RELN: variants seen among roughly 807,000 people sequenced by gnomAD.
RELN encodes reelin.
Under a neutral mutation model 427.6 loss-of-function variants are expected in RELN, and 108 were observed. The observed-to-expected ratio is 0.25, with a 90% CI of 0.22 to 0.30. The LOEUF (loss-of-function observed/expected upper bound fraction) is 0.30. RELN is among the 10% of genes least tolerant of loss of function. The pLI, the probability that RELN is intolerant of heterozygous loss-of-function variation, is 1.00. For synonymous variants in RELN, 1,524 were observed against 1,513.4 expected (o/e 1.01, Z -0.16); for missense variants, 3,715 against 4,302.8 (o/e 0.86, Z 3.82).
In RELN at chr7:103,603,509, G is replaced by A. The variant is rs749025430; in HGVS notation, c.3147-19C>T. 4 of 1,607,862 alleles carry A rather than the reference G, an allele frequency of 2.5e-6. No individual in the cohort carries two copies. The Admixed American group carries it at 6.7e-5, about 27-fold the overall frequency. ...GTCACACCTATGAGAGAGCAGGGCT[G>A]AGTAGGCAGGTTACAGGCCCACCTG... is the stretch of plus-strand genomic sequence containing the variant. On this transcript the variant is annotated intron_variant, in intron 23 of 64. Coordinates refer to ENST00000428762, the MANE Select transcript of RELN (RefSeq NM_005045.4). This position sits in a 1 kb window ranked among gnomAD's most constrained non-coding sequence, Gnocchi z 4.3.
intron 22 of RELN, among the ~76,000 whole-genome samples, chr7:103,609,073 A>T (rs1831884340): frequency 6.6e-6 from 1 of 152,040 alleles, no homozygotes; most frequent in South Asian, 2.1e-4. Flanking sequence ...AAATACAAAA[A>T]TTAGCTGGGT....
intron 16 of RELN, among the ~76,000 whole-genome samples, chr7:103,647,025 C>CGAG (rs1461566711): frequency 6.6e-6 from 1 of 151,860 alleles, no homozygotes; most frequent in Non-Finnish European, 1.5e-5. Flanking sequence ...ACAATAAAAA[C>CGAG]CCTCAACAAA....
At chr7:103,965,816 T>C (rs1796649120) in intron 1 of RELN, among the ~76,000 whole-genome samples, 1 of 152,226 alleles carries the variant, frequency 6.6e-6, no homozygotes, top group African/African-American at 2.4e-5. Context: ...TTTTATTTTA[T>C]ACCCCAAAAT....
intron 3 of RELN, among the ~76,000 whole-genome samples, chr7:103,782,998 C>T (rs1455694789): frequency 6.6e-6 from 1 of 152,044 alleles, no homozygotes; most frequent in Admixed American, 6.6e-5. Context: ...TTCAGTATGC[C>T]TGTGCCAAGC....
chr7:103,926,873 C>T (rs1795755575), intron 1 of RELN, among the ~76,000 whole-genome samples: 1 of 127,488 alleles, frequency 7.8e-6, no homozygotes. Flanking sequence ...GTTTCAATCT[C>T]CTGACCTCGT....
At position 103,687,659 on chromosome 7, in the gene RELN, T is replaced by C. The variant is rs141479729; in HGVS notation, c.1144-5398A>G. On this transcript the variant is annotated intron_variant, in intron 10 of 64. Transcript: ENST00000428762. ...GGTGCCATGCTAGGTACAAAGATGA[T>C]AGAAACTGTAACTATGTTTTTAATG... is the stretch of plus-strand genomic sequence containing the variant. 1.3e-3 allele frequency among the ~76,000 whole-genome samples: 196 copies of C among 152,250 alleles called. 2 individuals are homozygous for C. The highest frequency in any genetic ancestry group is 6.8e-3 in the Middle Eastern group (2 of 294).
At chr7:103,498,045 C>G (rs1562853166) in intron 54 of RELN, 32 bp downstream of exon 54, 2 of 1,609,938 alleles carry the variant, frequency 1.2e-6, no homozygotes, top group Non-Finnish European at 1.7e-6. Context: ...TGCTATGGTG[C>G]AATAGAAATA....
At chr7:103,491,728 C>G (rs1828657860) in intron 58 of RELN, among the ~76,000 whole-genome samples, 1 of 151,918 alleles carries the variant, frequency 6.6e-6, no homozygotes, top group Admixed American at 6.6e-5. Context: ...ACTCAGGAGG[C>G]TGAGGCAGGA....
Position 103,824,119 on chromosome 7 carries a change from ATTTAT to A in RELN, c.473+9413_473+9417del, listed in dbSNP as rs1456899831. ...CTTATCACGACCTTTATCAGTACTA[ATTTAT>A]TTTATTTATCTTGCTTAGATAGAAA... is the stretch of plus-strand genomic sequence containing the variant. On this transcript the variant is annotated intron_variant, in intron 3 of 64. Coordinates refer to ENST00000428762, the MANE Select transcript of RELN (RefSeq NM_005045.4). This position sits in a 1 kb window ranked among gnomAD's most constrained non-coding sequence, Gnocchi z 4.4. Among the ~76,000 whole-genome samples, 1 of 152,004 alleles carries A rather than the reference ATTTAT, an allele frequency of 6.6e-6. No individual in the cohort carries two copies. The highest frequency in any genetic ancestry group is 1.5e-5 in the Non-Finnish European group (1 of 67,996).
intron 8 of RELN, among the ~76,000 whole-genome samples, chr7:103,717,891 T>G (rs1789980084): frequency 1.3e-5 from 2 of 152,170 alleles, no homozygotes; most frequent in Non-Finnish European, 1.5e-5. Context: ...CCTCTTGAAC[T>G]ACCTGTTCTA....
intron 2 of RELN, among the ~76,000 whole-genome samples, chr7:103,855,635 A>G (rs1176339532): frequency 6.6e-6 from 1 of 152,200 alleles, no homozygotes; most frequent in African/African-American, 2.4e-5. Context: ...GCTTAAAGCA[A>G]CATAAATGTA....
At chr7:103,715,695 T>C (rs896281086) in intron 8 of RELN, among the ~76,000 whole-genome samples, 16 of 152,194 alleles carry the variant, frequency 1.1e-4, no homozygotes, top group Non-Finnish European at 1.9e-4. Context: ...TATTTCTTCA[T>C]TGTCACTGGT....
At chr7:103,971,845 G>A (rs1796770114) in intron 1 of RELN, among the ~76,000 whole-genome samples, 1 of 131,494 alleles carries the variant, frequency 7.6e-6, no homozygotes, top group East Asian at 2.0e-4. Context: ...AGCTGAAGCG[G>A]GAGGATCATT....
intron 19 of RELN, 32 bp from the exon 20 acceptor site, chr7:103,630,208 T>C: frequency 1.4e-6 from 2 of 1,422,104 alleles, no homozygotes; most frequent in East Asian, 4.6e-5. Flanking sequence ...AAATTTAGAT[T>C]ATTTTGGTAT....
chr7:103,923,948 TG>T (rs1309911646), intron 1 of RELN, among the ~76,000 whole-genome samples: 4 of 152,210 alleles, frequency 2.6e-5, no homozygotes, highest in Non-Finnish European at 5.9e-5. Flanking sequence ...ATATCCTATG[TG>T]ATAATTACTA....
intron 1 of RELN, among the ~76,000 whole-genome samples, chr7:103,950,185 A>C (rs1175034327): frequency 1.3e-5 from 2 of 152,222 alleles, no homozygotes; most frequent in Non-Finnish European, 1.5e-5. Context: ...TAATCCTTTC[A>C]CGAAGGTTCC....
chr7:103,762,495 T>C (rs1791326854), intron 4 of RELN, among the ~76,000 whole-genome samples: 1 of 152,206 alleles, frequency 6.6e-6, no homozygotes, highest in Non-Finnish European at 1.5e-5. Context: ...TCAGTCATAA[T>C]CTTAAAGGCC....
intron 44 of RELN, among the ~76,000 whole-genome samples, chr7:103,539,730 T>G (rs1338044111): frequency 1.3e-5 from 2 of 152,248 alleles, no homozygotes; most frequent in Non-Finnish European, 2.9e-5. Context: ...GTTAACAGGT[T>G]CTTTGAGTTC....
chr7:103,709,688 A>G (rs1789745342), intron 8 of RELN, among the ~76,000 whole-genome samples: 1 of 152,242 alleles, frequency 6.6e-6, no homozygotes, highest in South Asian at 2.1e-4. Context: ...CTGCCCATTT[A>G]TACCAACAGT....
Sources: gnomAD v4.1 joint callset for allele counts (sites outside exome capture counted in the v4.1 genomes callset) on GRCh38, gnomAD v4.1.1 for gene constraint, Gnocchi (gnomAD v3.1) non-coding constraint, MANE v1.5 for transcripts, NCBI Gene and HGNC (gene_info 2026-07-23, HGNC 2026-07-21) for gene names.